SERPINB12: variants seen among roughly 807,000 people sequenced by gnomAD.
SERPINB12 encodes serpin B12.
SERPINB12 carries 57 observed loss-of-function variants against 41.1 expected under a neutral mutation model. The ratio of observed to expected loss-of-function variants is 1.39; its 90% confidence interval spans 1.12 to 1.73. The LOEUF is 1.73. Among genes scored for constraint, SERPINB12 ranks in the 40% most tolerant of loss-of-function variants. SERPINB12 has a pLI of 0.00. For synonymous variants in SERPINB12, 180 were observed against 181.3 expected, an observed-to-expected ratio of 0.99 and a Z score of 0.06; for missense variants, 536 against 501.9, an observed-to-expected ratio of 1.07 and a Z score of -0.65.
chr18:63,543,324 C>T (rs903013581), intron 1 of SERPINB12, among the ~76,000 whole-genome samples: 1 of 152,146 alleles, frequency 6.6e-6, no homozygotes, highest in Non-Finnish European at 1.5e-5. Flanking sequence ...CTAACCTGTG[C>T]CTTTCCCACT....
At chr18:63,561,480 T>C (rs1057059435) in intron 5 of SERPINB12, among the ~76,000 whole-genome samples, 1 of 152,216 alleles carries the variant, frequency 6.6e-6, no homozygotes, top group African/African-American at 2.4e-5. Flanking sequence ...GGAAAGTAGT[T>C]TGGAAATTTC....
intron 1 of SERPINB12, among the ~76,000 whole-genome samples, chr18:63,545,891 A>T (rs1361995493): frequency 1.3e-5 from 2 of 152,220 alleles, no homozygotes; most frequent in Non-Finnish European, 2.9e-5. Context: ...TTAGAAAAAA[A>T]AATAATTATT....
At chr18:63,522,104 GT>G in the SERPINB12 span, among the ~76,000 whole-genome samples, 2 of 152,110 alleles carry the variant, frequency 1.3e-5, no homozygotes, top group Non-Finnish European at 2.9e-5. Flanking sequence ...AATAAGTTTA[GT>G]TTTTATCAAA....
intron 3 of SERPINB12, 108 bp downstream of exon 3, chr18:63,558,594 TACC>T: frequency 4.9e-6 from 6 of 1,214,706 alleles, no homozygotes; most frequent in Non-Finnish European, 6.7e-6. Flanking sequence ...AGACTCTGGA[TACC>T]ATCAACAGCA....
chr18:63,552,348 A>C (rs1910554457), intron 1 of SERPINB12, among the ~76,000 whole-genome samples: 1 of 152,226 alleles, frequency 6.6e-6, no homozygotes, highest in South Asian at 2.1e-4. Context: ...GATGAGAACA[A>C]GACAATTAAT....
intron 1 of SERPINB12, among the ~76,000 whole-genome samples, chr18:63,554,164 G>A (rs959085664): frequency 6.6e-6 from 1 of 152,150 alleles, no homozygotes; most frequent in Non-Finnish European, 1.5e-5. Context: ...CATACAGCAG[G>A]CATGTGTTTG....
At chr18:63,527,294 A>G in the SERPINB12 span, among the ~76,000 whole-genome samples, 1 of 152,246 alleles carries the variant, frequency 6.6e-6, no homozygotes, top group African/African-American at 2.4e-5. Flanking sequence ...GAGATATATT[A>G]TAGCTCTGAG....
rs548528802 is a variant in SERPINB12 at position 63,568,367 on chromosome 18, C to T, written c.*1356C>T. 8.9e-4 allele frequency among the ~76,000 whole-genome samples: 135 copies of T among 152,140 alleles called. No homozygotes were observed. The highest frequency in any genetic ancestry group is 2.7e-3 in the East Asian group (14 of 5,168). ...CTGCACTCCAGCCTGGGTGACAGAG[C>T]GAAACCCTGTCTCAAAAAACAAACA... On this transcript the variant is annotated 3_prime_UTR_variant, in exon 8 of 8. Coordinates refer to ENST00000382768, the MANE Select transcript of SERPINB12 (RefSeq NM_001307928.2).
rs1911206127 is a variant in SERPINB12 at position 63,568,910 on chromosome 18, G to A, written c.*1899G>A. On this transcript the variant is annotated 3_prime_UTR_variant, in exon 8 of 8. Transcript: ENST00000382768. ...AATTTGACGTTGGTAACGTGAGGCA[G>A]TTTGAGGCAGTGCCCTATCCAGAAT... Among the ~76,000 whole-genome samples the A allele has an allele frequency of 6.6e-6, 1 of 152,202 alleles. No homozygotes were observed. Among genetic ancestry groups the A allele is most frequent in the Non-Finnish European group, 1.5e-5 (1 of 68,036 alleles).
the SERPINB12 span, among the ~76,000 whole-genome samples, chr18:63,529,819 T>A: frequency 0.063 from 9,540 of 152,160 alleles, 623 homozygotes; most frequent in East Asian, 0.29. Context: ...GTTTATTGAT[T>A]GGGGCACAAG....
chr18:63,534,109 T>A, the SERPINB12 span, among the ~76,000 whole-genome samples: 2 of 152,292 alleles, frequency 1.3e-5, no homozygotes, highest in South Asian at 2.1e-4. Context: ...GGCATGATTT[T>A]AAAAATTAAT....
the SERPINB12 span, among the ~76,000 whole-genome samples, chr18:63,524,136 TAGAAAAGATCAACACTTTAA>T: frequency 6.6e-6 from 1 of 152,044 alleles, no homozygotes; most frequent in Non-Finnish European, 1.5e-5. Context: ...TTTTTTTTGC[TAGAAAAGATCAACACTTTAA>T]GTAAATTTTG....
chr18:63,564,571 C>T (rs965841662), intron 6 of SERPINB12, among the ~76,000 whole-genome samples: 2 of 152,184 alleles, frequency 1.3e-5, no homozygotes, highest in African/African-American at 4.8e-5. Flanking sequence ...CTCTCAAGCA[C>T]CAAATATCCC....
rs61751995 is a variant in SERPINB12, at chr18:63,566,771, G to A, written c.1038G>A (p.Thr346=). The A allele has an allele frequency of 8.1e-6, 13 of 1,614,044 alleles. 1 individual carries two copies. The Admixed American group carries it at 8.3e-5, about 10-fold the overall frequency. Residue 346 remains threonine (T), a synonymous_variant, in exon 8 of 8, where the codon ACG becomes ACA. Coordinates refer to ENST00000382768, the MANE Select transcript of SERPINB12 (RefSeq NM_001307928.2). The part of the protein sequence containing the change: ...DMGITDIFDE[T]RADLTGISPS... The stretch of plus-strand genomic sequence containing the variant: ...GCATTACGGATATCTTTGATGAAAC[G>A]AGGGCTGATCTTACTGGAATCTCTC...
the SERPINB12 span, among the ~76,000 whole-genome samples, chr18:63,535,838 A>G: frequency 6.6e-6 from 1 of 152,128 alleles, no homozygotes; most frequent in Non-Finnish European, 1.5e-5. Flanking sequence ...TACATATATA[A>G]ATATACACAC....
rs1375017792 is a variant in SERPINB12 at position 63,563,911 on chromosome 18, AAAATT to A, written c.563-65_563-61del. 37 of 422,588 alleles carry A rather than the reference AAAATT, an allele frequency of 8.8e-5. 1 individual carries two copies. Among genetic ancestry groups the A allele is most frequent in the Admixed American group, 2.3e-4 (3 of 13,032 alleles). 26.2% of individuals were successfully genotyped at this position (422,588 alleles called of 1,614,324 possible). On this transcript the variant is annotated intron_variant, in intron 5 of 7. Transcript: ENST00000382768. The stretch of plus-strand genomic sequence containing the variant: ...AACTCTGTCTCAAAAAAAAAAAAAA[AAAATT>A]ATCTACACAAATGCTTTTGATACAA...
intron 1 of SERPINB12, among the ~76,000 whole-genome samples, chr18:63,544,341 G>A (rs1910336800): frequency 6.6e-6 from 1 of 152,144 alleles, no homozygotes; most frequent in Non-Finnish European, 1.5e-5. Flanking sequence ...ATAAAGATTT[G>A]GCTAAGAAAA....
At position 63,568,098 on chromosome 18, in the gene SERPINB12, G is replaced by T. The variant is rs1011438386; in HGVS notation, c.*1087G>T. On this transcript the variant is annotated 3_prime_UTR_variant, in exon 8 of 8. Coordinates refer to ENST00000382768, the MANE Select transcript of SERPINB12 (RefSeq NM_001307928.2). ...ATGGTGTCCATAGCAATGCTTGTTG[G>T]CTGGGCATGATGGCTCATGCCTGCA... Among the ~76,000 whole-genome samples, 1 of 152,208 alleles carries T rather than the reference G, an allele frequency of 6.6e-6. No homozygotes were observed. The highest frequency in any genetic ancestry group is 6.5e-5 in the Admixed American group (1 of 15,284).
rs1910898328 is a variant in SERPINB12 at position 63,561,199 on chromosome 18, C to T, written c.559C>T (p.Gln187Ter). The part of the protein sequence containing the change: ...EINFWVECQS[Q>*]GKIKELFSKD... ...TAACTTCTGGGTTGAATGTCAATCCCAAGGTAAGAAAGCCCAAAAGCACGG... is the reference window on the plus strand; with the variant it reads ...TAACTTCTGGGTTGAATGTCAATCCTAAGGTAAGAAAGCCCAAAAGCACGG... Residue 187 changes from glutamine to a stop codon, truncating the protein, a stop_gained, in exon 5 of 8, where the codon CAA becomes TAA. Coordinates refer to ENST00000382768, the MANE Select transcript of SERPINB12 (RefSeq NM_001307928.2). LOFTEE classifies it high-confidence loss of function. The T allele has an allele frequency of 1.9e-6, 3 of 1,592,988 alleles. No homozygotes were observed. In the South Asian group the frequency reaches 3.3e-5, roughly 18 times the overall value.
Sources: allele counts gnomAD v4.1 joint callset (sites outside exome capture counted in the v4.1 genomes callset), GRCh38; gene constraint gnomAD v4.1.1; transcripts MANE v1.5; gene names NCBI Gene and HGNC (gene_info 2026-07-23, HGNC 2026-07-21).